CELF2: variants seen among roughly 807,000 people sequenced by gnomAD.
CELF2 encodes the protein CUG triplet repeat RNA-binding protein 2.
Under a neutral mutation model 62.6 loss-of-function variants are expected in CELF2, and 8 were observed. The observed-to-expected ratio is 0.13, with a 90% confidence interval of 0.07 to 0.23. The LOEUF is 0.23. Among genes scored for constraint, CELF2 ranks in the 10% least tolerant of loss-of-function variants. CELF2 has a pLI of 1.00. For synonymous variants in CELF2, 258 were observed against 250.0 expected, an observed-to-expected ratio of 1.03 and a Z score of -0.30; for missense variants, 333 against 671.0, an observed-to-expected ratio of 0.50 and a Z score of 5.56.
intron 1 of CELF2, chr10:10,846,036 T>G (rs1282951021): frequency 6.8e-6 from 6 of 882,138 alleles, no homozygotes; most frequent in African/African-American, 3.6e-5. Flanking sequence ...AATGACTCAT[T>G]AACCTGTGAA....
chr10:10,746,667 C>T, the CELF2 span, among the ~76,000 whole-genome samples: 1 of 152,056 alleles, frequency 6.6e-6, no homozygotes, highest in African/African-American at 2.4e-5. Context: ...TGGTGGAAAC[C>T]TGTTACTAGT....
the CELF2 span, among the ~76,000 whole-genome samples, chr10:10,544,033 A>G: frequency 6.6e-6 from 1 of 152,226 alleles, no homozygotes; most frequent in Non-Finnish European, 1.5e-5. Context: ...TGTCCCTAAA[A>G]CAACTGAAGG....
At chr10:10,655,403 C>T in the CELF2 span, among the ~76,000 whole-genome samples, 135 of 123,732 alleles carry the variant, frequency 1.1e-3, 10 homozygotes, top group African/African-American at 3.8e-3. Flanking sequence ...AAAAAGATCC[C>T]GCATCGCCAA....
At chr10:10,970,315 C>T (rs1240499439) in intron 2 of CELF2, among the ~76,000 whole-genome samples, 2 of 152,284 alleles carry the variant, frequency 1.3e-5, no homozygotes, top group Middle Eastern at 3.4e-3. Flanking sequence ...GATCCGCCCA[C>T]CTCAGCCTCC....
rs767047282 is a variant in CELF2 at position 11,220,343 on chromosome 10, G to A, written c.354+2836G>A. 6.6e-6 allele frequency among the ~76,000 whole-genome samples: 1 copy of A among 152,132 alleles called. No homozygotes were observed. The highest frequency in any genetic ancestry group is 2.4e-5 in the African/African-American group (1 of 41,444). On this transcript the variant is annotated intron_variant, in intron 3 of 12. Transcript: ENST00000633077. This position sits in a 1 kb window ranked among gnomAD's most constrained non-coding sequence, Gnocchi z 4.4. ...TTGGAGTTTGCTTTCCTCTGTATGC[G>A]CCATCTTTCTTTCTTGAGGGACACA... is the stretch of plus-strand genomic sequence containing the variant.
chr10:10,529,706 A>C, the CELF2 span, among the ~76,000 whole-genome samples: 12 of 129,922 alleles, frequency 9.2e-5, no homozygotes, highest in African/African-American at 3.4e-4. Context: ...AAAAAAAAAA[A>C]AAAAATGGTG....
At chr10:10,598,143 T>G in the CELF2 span, among the ~76,000 whole-genome samples, 2 of 152,228 alleles carry the variant, frequency 1.3e-5, no homozygotes, top group Non-Finnish European at 2.9e-5. Flanking sequence ...CCTAAGGACA[T>G]AGAGCGCTTA....
At chr10:10,704,981 G>A in the CELF2 span, among the ~76,000 whole-genome samples, 3 of 151,800 alleles carry the variant, frequency 2.0e-5, no homozygotes, top group Non-Finnish European at 4.4e-5. Flanking sequence ...TTGAGGCCAG[G>A]AATTGAAGAT....
chr10:11,306,192 G>C lies in CELF2; in HGVS notation c.977-7947G>C, dbSNP rs1249444882. 6.6e-6 allele frequency among the ~76,000 whole-genome samples: 1 copy of C among 151,998 alleles called. No homozygotes were observed. The highest frequency in any genetic ancestry group is 2.4e-5 in the African/African-American group (1 of 41,388). On this transcript the variant is annotated intron_variant, in intron 9 of 12. Coordinates refer to ENST00000633077, the MANE Select transcript of CELF2 (RefSeq NM_001326342.2). The surrounding 1 kb of genome is among the most constrained non-coding windows in gnomAD (Gnocchi z 4.4). ...TCTTGGCTTTGTTCTGCCTCCTCCT[G>C]CTTGGATGGTGCAGCCTCTGCTTGA...
Position 10,908,214 on chromosome 10 carries a change from A to ATTTTTTT in CELF2, c.54-11733_54-11727dup, listed in dbSNP as rs796857171. Among the ~76,000 whole-genome samples the ATTTTTTT allele has an allele frequency of 7.1e-3, 591 of 83,706 alleles. 122 individuals are homozygous for ATTTTTTT. Among genetic ancestry groups the ATTTTTTT allele is most frequent in the African/African-American group, 0.026 (546 of 20,608 alleles). The allele number at this position is 83,706 out of a possible 152,430, so 54.9% of individuals were successfully genotyped here. Reference sequence around the variant, plus strand: ...TCCTTGTCAAAGAATGTATGAGGGGATTTTTTTTTTTTTTTTTTTTTTTGA... The same window carrying ATTTTTTT: ...TCCTTGTCAAAGAATGTATGAGGGGATTTTTTTTTTTTTTTTTTTTTTTTTTTTTTGA... On this transcript the variant is annotated intron_variant, in intron 1 of 13. Transcript: ENST00000636488.
intron 1 of CELF2, among the ~76,000 whole-genome samples, chr10:11,038,998 C>T (rs2061396068): frequency 6.6e-6 from 1 of 152,192 alleles, no homozygotes; most frequent in Non-Finnish European, 1.5e-5. Flanking sequence ...CTTGTTTCAT[C>T]CCCTCAACCA....
At chr10:11,112,959 A>G (rs974916567) in intron 1 of CELF2, among the ~76,000 whole-genome samples, 1 of 152,090 alleles carries the variant, frequency 6.6e-6, no homozygotes, top group African/African-American at 2.4e-5. Flanking sequence ...GTGCATTTCC[A>G]CATGCGTAGC....
At chr10:11,230,679 C>T (rs917015801) in intron 3 of CELF2, among the ~76,000 whole-genome samples, 1 of 152,174 alleles carries the variant, frequency 6.6e-6, no homozygotes, top group African/African-American at 2.4e-5. Flanking sequence ...TTTTTCCCTC[C>T]CAACCATCCT....
intron 1 of CELF2, among the ~76,000 whole-genome samples, chr10:10,904,079 A>G (rs148626883): frequency 0.02 from 3,044 of 152,294 alleles, 37 homozygotes; most frequent in Middle Eastern, 0.037. Flanking sequence ...GACCGTTGCC[A>G]TCCATGTCCA....
chr10:10,982,344 C>A lies in CELF2; in HGVS notation c.89+62345C>A, dbSNP rs2052239198. ...AAATGATAGGTAGAGGTGTAGAAGTCTTACAGTTACCCCAAACCCCCACAG... is the reference window on the plus strand; with the variant it reads ...AAATGATAGGTAGAGGTGTAGAAGTATTACAGTTACCCCAAACCCCCACAG... On this transcript the variant is annotated intron_variant, in intron 2 of 13. Coordinates refer to the CELF2 transcript ENST00000636488. Among the ~76,000 whole-genome samples the A allele has an allele frequency of 2.0e-5, 3 of 152,134 alleles. No individual in the cohort carries two copies. The South Asian group carries it at 6.2e-4, about 32-fold the overall frequency.
At chr10:10,841,944 T>A (rs560414215) in intron 1 of CELF2, among the ~76,000 whole-genome samples, 4 of 152,252 alleles carry the variant, frequency 2.6e-5, no homozygotes, top group Non-Finnish European at 5.9e-5. Context: ...TCCCATTTAT[T>A]TAAATCCTCT....
intron 8 of CELF2, 115 bp downstream of exon 8, chr10:11,275,235 G>C: frequency 9.3e-7 from 1 of 1,072,798 alleles, no homozygotes; most frequent in South Asian, 1.3e-5. Context: ...GATCAGACTT[G>C]TTAGCTTTCT....
the CELF2 span, among the ~76,000 whole-genome samples, chr10:10,761,954 G>GTGTGTGTA: frequency 5.1e-3 from 724 of 141,542 alleles, 14 homozygotes; most frequent in East Asian, 0.015. Flanking sequence ...GTGTGTGTGT[G>GTGTGTGTA]TAGACAGATA....
At chr10:10,633,973 C>T in the CELF2 span, among the ~76,000 whole-genome samples, 3,309 of 151,996 alleles carry the variant, frequency 0.022, 115 homozygotes, top group Admixed American at 0.081. Flanking sequence ...ACTGGAATTA[C>T]TTATTTTAAA....
Sources: allele counts gnomAD v4.1 joint callset (sites outside exome capture counted in the v4.1 genomes callset), GRCh38; gene constraint gnomAD v4.1.1; non-coding constraint Gnocchi (gnomAD v3.1); transcripts MANE v1.5; gene names NCBI Gene and HGNC (gene_info 2026-07-23, HGNC 2026-07-21).